NSG1: variants seen among roughly 807,000 people sequenced by gnomAD.
NSG1 encodes the protein neuronal vesicle trafficking associated 1.
NSG1 carries 9 observed loss-of-function variants against 19.3 expected under a neutral mutation model. The observed-to-expected ratio is 0.47, with a 90% CI of 0.28 to 0.81. NSG1 has a LOEUF of 0.81. Among genes scored for constraint, NSG1 ranks in the 40% least tolerant of loss-of-function variants. The pLI is 0.11. For synonymous variants in NSG1, 104 were observed against 107.0 expected (o/e 0.97, Z 0.17); for missense variants, 236 against 242.4 (o/e 0.97, Z 0.18).
rs746691509 is a variant in NSG1, at chr4:4,417,683, C to T, written c.*248C>T. 210 of 519,372 alleles carry T rather than the reference C, an allele frequency of 4.0e-4. No individual in the cohort carries two copies. The highest frequency in any genetic ancestry group is 6.7e-4 in the Non-Finnish European group (195 of 289,610). The allele number at this position is 519,372 out of a possible 1,614,324, so 32.2% of individuals were successfully genotyped here. On this transcript the variant is annotated 3_prime_UTR_variant, in exon 5 of 5. Transcript: ENST00000621129. ...TCATGTTAAGATCTTCATTTAGCTC[C>T]TTTACTGGGATTTATTGGATGCTGT...
intron 3 of NSG1, among the ~76,000 whole-genome samples, chr4:4,392,685 G>A (rs1723060050): frequency 6.6e-6 from 1 of 152,214 alleles, no homozygotes; most frequent in Admixed American, 6.5e-5. Flanking sequence ...CACACTGCCT[G>A]TCAGGGCCTG....
chr4:4,395,595 C>T (rs918212414), intron 3 of NSG1, among the ~76,000 whole-genome samples: 1 of 152,108 alleles, frequency 6.6e-6, no homozygotes, highest in African/African-American at 2.4e-5. Context: ...GAGACACGGG[C>T]ATGATGGAGG....
At chr4:4,406,537 CG>C (rs1411393025) in intron 3 of NSG1, among the ~76,000 whole-genome samples, 2 of 152,182 alleles carry the variant, frequency 1.3e-5, no homozygotes, top group East Asian at 3.8e-4. Context: ...AGGCTGGCCC[CG>C]GGTGAACATG....
At chr4:4,400,899 A>G (rs914463644) in intron 3 of NSG1, among the ~76,000 whole-genome samples, 3 of 152,226 alleles carry the variant, frequency 2.0e-5, no homozygotes, top group Admixed American at 6.5e-5. Flanking sequence ...CAGTATTTCA[A>G]TATAATCAGT....
chr4:4,394,647 G>C (rs752809445), intron 3 of NSG1, among the ~76,000 whole-genome samples: 1 of 152,192 alleles, frequency 6.6e-6, no homozygotes, highest in African/African-American at 2.4e-5. Flanking sequence ...TGTGCAGACG[G>C]AACTTACTCA....
rs1262731210 is a variant in NSG1 at position 4,417,406 on chromosome 4, G to C, written c.529G>C (p.Glu177Gln). The change falls in exon 5 of 5, where the codon GAG (glutamate) becomes CAG (glutamine). Residue 177 changes from glutamate (E) to glutamine (Q), a missense_variant. Transcript: ENST00000621129. ...GTCAGAAGAGAAGCTGTCCGAGCAG[G>C]AGACTGAAGCGGCTGAGAAGTCAGC... is the stretch of plus-strand genomic sequence containing the variant. Reference protein sequence around the residue: ...VLSEEKLSEQETEAAEKSA With the variant: ...VLSEEKLSEQQTEAAEKSA The C allele has an allele frequency of 4.3e-6, 7 of 1,614,112 alleles. No individual in the cohort carries two copies. The East Asian group carries it at 1.3e-4, about 31-fold the overall frequency.
chr4:4,405,792 C>T (rs1723819757), intron 3 of NSG1, among the ~76,000 whole-genome samples: 4 of 152,220 alleles, frequency 2.6e-5, no homozygotes, highest in Admixed American at 1.3e-4. Context: ...TCCAGGGACT[C>T]TCGCATTCTC....
At chr4:4,413,822 G>GGGAAGAGAAGACTGGGGCGCTGGGGAT (rs1724362446) in intron 4 of NSG1, among the ~76,000 whole-genome samples, 2 of 152,040 alleles carry the variant, frequency 1.3e-5, no homozygotes, top group African/African-American at 2.4e-5. Context: ...CAGTGGCTGA[G>GGGAAGAGAAGACTGGGGCGCTGGGGAT]GGAAGAGAAG....
At chr4:4,393,052 T>C (rs918050765) in intron 3 of NSG1, among the ~76,000 whole-genome samples, 3 of 152,108 alleles carry the variant, frequency 2.0e-5, no homozygotes, top group Admixed American at 1.3e-4. Flanking sequence ...CCTGCCCCAT[T>C]TGCACCCTGG....
At chr4:4,394,886 C>T (rs77966087) in intron 3 of NSG1, among the ~76,000 whole-genome samples, 7 of 152,318 alleles carry the variant, frequency 4.6e-5, no homozygotes, top group Non-Finnish European at 7.3e-5. Context: ...GCCATGCTTA[C>T]GCGTAAGCCT....
rs543385046 is a variant in NSG1 at position 4,398,108 on chromosome 4, C to T, written c.246+6517C>T. ...TAGCTGGTATTACAGGCACCTGCCA[C>T]CATGCCCGGCTAATTTTTGTATTTT... On this transcript the variant is annotated intron_variant, in intron 3 of 4. Coordinates refer to ENST00000621129, the MANE Select transcript of NSG1 (RefSeq NM_014392.5). 3.9e-5 allele frequency among the ~76,000 whole-genome samples: 6 copies of T among 152,212 alleles called. No individual in the cohort carries two copies. In the South Asian group the frequency reaches 1.2e-3, roughly 32 times the overall value.
At position 4,418,574 on chromosome 4, in the gene NSG1, A is replaced by G. The variant is rs566803197; in HGVS notation, c.*1139A>G. Reference sequence around the variant, plus strand: ...GCCAGTTAGATGAACTAAGTGTGTAAAACAAATAGAAAAGACATTCGCAGA... The same window carrying G: ...GCCAGTTAGATGAACTAAGTGTGTAGAACAAATAGAAAAGACATTCGCAGA... On this transcript the variant is annotated 3_prime_UTR_variant, in exon 5 of 5. Coordinates refer to ENST00000621129, the MANE Select transcript of NSG1 (RefSeq NM_014392.5). The G allele has an allele frequency of 1.3e-5, 2 of 152,782 alleles. No individual in the cohort carries two copies. Among genetic ancestry groups the G allele is most frequent in the South Asian group, 2.1e-4 (1 of 4,828 alleles). 9.5% of individuals were successfully genotyped at this position (152,782 alleles called of 1,614,324 possible). A position where few individuals can be genotyped will look rare whatever the true frequency, so the allele number is the denominator to read the frequency against.
intron 3 of NSG1, among the ~76,000 whole-genome samples, chr4:4,403,311 A>C (rs1433342886): frequency 6.6e-6 from 1 of 152,128 alleles, no homozygotes; most frequent in Non-Finnish European, 1.5e-5. Context: ...GTTTCATTGC[A>C]CCAAAATCAA....
chr4:4,396,282 G>A (rs1476377921), intron 3 of NSG1, among the ~76,000 whole-genome samples: 1 of 152,080 alleles, frequency 6.6e-6, no homozygotes, highest in Non-Finnish European at 1.5e-5. Flanking sequence ...ATTAGGGGCC[G>A]TCATCAGACA....
At chr4:4,391,140 C>T (rs897118546) in intron 2 of NSG1, among the ~76,000 whole-genome samples, 7 of 152,194 alleles carry the variant, frequency 4.6e-5, no homozygotes, top group Non-Finnish European at 1.0e-4. Flanking sequence ...GGCTTTGGCT[C>T]TGGTGGGTGG....
intron 4 of NSG1, among the ~76,000 whole-genome samples, chr4:4,416,597 G>A (rs570654308): frequency 5.3e-5 from 8 of 152,148 alleles, no homozygotes; most frequent in Non-Finnish European, 1.0e-4. Flanking sequence ...ATGGGGGTGT[G>A]GATTTGCTGC....
intron 3 of NSG1, among the ~76,000 whole-genome samples, chr4:4,398,410 A>G (rs1723379864): frequency 6.6e-6 from 1 of 152,072 alleles, no homozygotes; most frequent in Non-Finnish European, 1.5e-5. Flanking sequence ...TCACCCCAAA[A>G]GGAGACCCCA....
intron 4 of NSG1, among the ~76,000 whole-genome samples, chr4:4,412,172 CGT>C (rs1459187966): frequency 6.6e-6 from 1 of 152,184 alleles, no homozygotes; most frequent in Non-Finnish European, 1.5e-5. Flanking sequence ...TGTTATGCCG[CGT>C]GTGGCTGTAA....
intron 3 of NSG1, among the ~76,000 whole-genome samples, chr4:4,401,452 T>A (rs1381858945): frequency 1.3e-5 from 2 of 151,994 alleles, no homozygotes; most frequent in African/African-American, 4.8e-5. Context: ...AGACACTGGG[T>A]TTTTTGATGC....
Sources: gnomAD v4.1 joint callset for allele counts (sites outside exome capture counted in the v4.1 genomes callset) on GRCh38, gnomAD v4.1.1 for gene constraint, MANE v1.5 for transcripts, NCBI Gene and HGNC (gene_info 2026-07-23, HGNC 2026-07-21) for gene names.